Variants in EYA1 observed in about 807,000 individuals in gnomAD.
EYA1 encodes the protein EYA transcriptional coactivator and phosphatase 1, also known as protein phosphatase EYA1.
Under a neutral mutation model 82.0 loss-of-function variants are expected in EYA1, and 16 were observed. The ratio of observed to expected loss-of-function variants is 0.20; its 90% CI spans 0.13 to 0.30. The LOEUF (loss-of-function observed/expected upper bound fraction) is 0.30. EYA1 is among the 10% of genes least tolerant of loss of function. The pLI, the probability that EYA1 is intolerant of heterozygous loss-of-function variation, is 1.00. For synonymous variants in EYA1, 261 were observed against 264.4 expected, an observed-to-expected ratio of 0.99 and a Z score of 0.12; for missense variants, 633 against 730.7, an observed-to-expected ratio of 0.87 and a Z score of 1.54.
chr8:71,461,853 C>G (rs999601128), intron 2 of EYA1, among the ~76,000 whole-genome samples: 1 of 152,128 alleles, frequency 6.6e-6, no homozygotes, highest in Non-Finnish European at 1.5e-5. Context: ...CAGCTCCTAG[C>G]AGAGAGAGTA....
intron 9 of EYA1, among the ~76,000 whole-genome samples, chr8:71,286,945 G>A (rs552634276): frequency 3.0e-4 from 45 of 151,998 alleles, no homozygotes; most frequent in African/African-American, 1.1e-3. Context: ...GGGATTACAG[G>A]TGCCTGCCAC....
intron 2 of EYA1, among the ~76,000 whole-genome samples, chr8:71,410,178 AC>A (rs1441092774): frequency 1.4e-5 from 2 of 145,000 alleles, no homozygotes; most frequent in Non-Finnish European, 3.0e-5. Flanking sequence ...AAATTCAACA[AC>A]CCTTCATGCT....
At chr8:71,316,105 TTA>T (rs1563451857) in intron 7 of EYA1, among the ~76,000 whole-genome samples, 3 of 152,262 alleles carry the variant, frequency 2.0e-5, no homozygotes, top group African/African-American at 7.2e-5. Context: ...AAAAAACGTT[TTA>T]TGTTTTTTCT....
At chr8:71,258,209 C>T (rs969976694) in intron 11 of EYA1, among the ~76,000 whole-genome samples, 1 of 152,202 alleles carries the variant, frequency 6.6e-6, no homozygotes, top group Non-Finnish European at 1.5e-5. Context: ...TAGGCACCTA[C>T]AACATTACTG....
intron 3 of EYA1, among the ~76,000 whole-genome samples, chr8:71,346,452 A>ATATATATC (rs1011248214): frequency 2.2e-5 from 3 of 134,650 alleles, no homozygotes; most frequent in Non-Finnish European, 4.6e-5. Context: ...ATATATATAT[A>ATATATATC]TATCTATATA....
chr8:71,237,594 A>T (rs113128065), intron 12 of EYA1, among the ~76,000 whole-genome samples: 1 of 152,200 alleles, frequency 6.6e-6, no homozygotes, highest in Non-Finnish European at 1.5e-5. Flanking sequence ...ATAAAAAAAT[A>T]ATAAAACCAC....
Position 71,217,013 on chromosome 8 carries a change from T to C in EYA1, c.1151A>G (p.Gln384Arg). ...LFFNDLEECD[Q>R]VHIDDVSSDD... ...TGAAGAAACATCATCTATATGGACTTGGTCACATTCCTAAAATGCAATTAA... is the reference window on the plus strand; with the variant it reads ...TGAAGAAACATCATCTATATGGACTCGGTCACATTCCTAAAATGCAATTAA... The change falls in exon 13 of 18, where the codon CAA becomes CGA. Residue 384 changes from glutamine to arginine, a missense_variant. Coordinates refer to ENST00000340726, the MANE Select transcript of EYA1 (RefSeq NM_000503.6). 1 of 1,612,930 alleles carries C rather than the reference T, an allele frequency of 6.2e-7. No individual in the cohort carries two copies. The highest frequency in any genetic ancestry group is 8.5e-7 in the Non-Finnish European group (1 of 1,178,854).
intron 13 of EYA1, 34 bp downstream of exon 13, chr8:71,216,930 AG>A: frequency 6.2e-7 from 1 of 1,611,610 alleles, no homozygotes; most frequent in African/African-American, 1.3e-5. Flanking sequence ...AAACTATAAA[AG>A]GGAGATGGTC....
At chr8:71,262,367 C>A (rs1225937004) in intron 11 of EYA1, among the ~76,000 whole-genome samples, 2 of 152,216 alleles carry the variant, frequency 1.3e-5, no homozygotes, top group Admixed American at 1.3e-4. Flanking sequence ...CTGTTTCCCA[C>A]TCCCTCTTTG....
intron 2 of EYA1, among the ~76,000 whole-genome samples, chr8:71,451,812 A>G (rs1220964186): frequency 6.6e-6 from 1 of 152,204 alleles, no homozygotes; most frequent in Non-Finnish European, 1.5e-5. Context: ...GCCAACTAGG[A>G]ACAGCTCCAG....
chr8:71,417,057 C>T (rs1830892155), intron 2 of EYA1, among the ~76,000 whole-genome samples: 2 of 152,146 alleles, frequency 1.3e-5, no homozygotes, highest in Non-Finnish European at 2.9e-5. Context: ...GCTTAGCTTC[C>T]AAGCCTACAT....
At chr8:71,362,448 T>C (rs142177007), upstream of EYA1, among the ~76,000 whole-genome samples, 36 of 152,194 alleles carry the variant, frequency 2.4e-4, no homozygotes, top group Admixed American at 2.1e-3. Context: ...TTTTACACTT[T>C]TCCTAAACTT....
At chr8:71,261,974 C>T (rs1563715951) in intron 11 of EYA1, among the ~76,000 whole-genome samples, 1 of 152,224 alleles carries the variant, frequency 6.6e-6, no homozygotes, top group Non-Finnish European at 1.5e-5. Flanking sequence ...ACACTTCCAG[C>T]ATGTCCCTCC....
intron 2 of EYA1, among the ~76,000 whole-genome samples, chr8:71,427,829 G>T (rs1805340105): frequency 6.6e-6 from 1 of 152,006 alleles, no homozygotes; most frequent in Non-Finnish European, 1.5e-5. Context: ...AGACTATCTT[G>T]GGCAATATAG....
intron 2 of EYA1, among the ~76,000 whole-genome samples, chr8:71,419,324 C>T (rs911160072): frequency 6.6e-6 from 1 of 152,152 alleles, no homozygotes; most frequent in Non-Finnish European, 1.5e-5. Context: ...TCATATGCTT[C>T]CTACCATCTT....
At chr8:71,470,159 C>A (rs764619341) in intron 2 of EYA1, among the ~76,000 whole-genome samples, 4 of 152,050 alleles carry the variant, frequency 2.6e-5, no homozygotes, top group Non-Finnish European at 5.9e-5. Flanking sequence ...CTCTTTCCAC[C>A]AAAACCTATG....
intron 2 of EYA1, among the ~76,000 whole-genome samples, chr8:71,477,341 CTG>C (rs1018952431): frequency 2.7e-4 from 41 of 152,152 alleles, no homozygotes; most frequent in African/African-American, 9.4e-4. Flanking sequence ...TATAGCAAGA[CTG>C]TGTAAAGAAC....
At chr8:71,383,695 A>G (rs1828832037) in intron 2 of EYA1, among the ~76,000 whole-genome samples, 1 of 152,164 alleles carries the variant, frequency 6.6e-6, no homozygotes, top group African/African-American at 2.4e-5. Flanking sequence ...ATATAAAGTC[A>G]TAAGTGGGAA....
exon 2 of EYA1, chr8:71,535,783 C>G: frequency 6.6e-7 from 1 of 1,513,822 alleles, no homozygotes; most frequent in Non-Finnish European, 8.8e-7. Flanking sequence ...CCATTGAAGA[C>G]TTCTTCTGAA....
Sources: allele counts gnomAD v4.1 joint callset (sites outside exome capture counted in the v4.1 genomes callset), GRCh38; gene constraint gnomAD v4.1.1; transcripts MANE v1.5; gene names NCBI Gene and HGNC (gene_info 2026-07-23, HGNC 2026-07-21).